The following GRID2 variants were observed in gnomAD, a reference collection of about 807,000 sequenced individuals.
GRID2 encodes glutamate ionotropic receptor delta type subunit 2, also known as glutamate receptor ionotropic, delta-2.
A neutral mutation model predicts 114.8 loss-of-function variants in GRID2; 33 were observed. The observed-to-expected ratio is 0.29, with a 90% CI of 0.22 to 0.38. The LOEUF (loss-of-function observed/expected upper bound fraction) is 0.38. Among genes scored for constraint, GRID2 ranks in the 10% least tolerant of loss-of-function variants. GRID2 has a pLI of 1.00. For missense variants in GRID2, 1,184 were observed against 1,257.7 expected, an observed-to-expected ratio of 0.94 and a Z score of 0.89; for synonymous variants, 505 against 449.9, an observed-to-expected ratio of 1.12 and a Z score of -1.55.
chr4:92,999,841 GT>G (rs1755429655), intron 2 of GRID2, among the ~76,000 whole-genome samples: 1 of 151,096 alleles, frequency 6.6e-6, no homozygotes. Flanking sequence ...GATTTTACTA[GT>G]TTATATTTTC....
intron 2 of GRID2, among the ~76,000 whole-genome samples, chr4:92,874,430 C>T (rs1745487728): frequency 6.6e-6 from 1 of 152,064 alleles, no homozygotes; most frequent in African/African-American, 2.4e-5. Flanking sequence ...ATAATATTAT[C>T]GTCTATGCTT....
intron 1 of GRID2, among the ~76,000 whole-genome samples, chr4:92,462,039 T>C (rs1169877561): frequency 6.6e-6 from 1 of 152,094 alleles, no homozygotes; most frequent in Non-Finnish European, 1.5e-5. Flanking sequence ...AAAATTGTTA[T>C]GTATTCAAAT....
intron 14 of GRID2, among the ~76,000 whole-genome samples, chr4:93,665,151 A>T (rs1723839087): frequency 6.6e-6 from 1 of 152,144 alleles, no homozygotes; most frequent in Non-Finnish European, 1.5e-5. Context: ...TATGGTCAGT[A>T]TTCTCTGCTC....
chr4:92,810,634 T>C (rs1740624456), intron 2 of GRID2, among the ~76,000 whole-genome samples: 1 of 152,140 alleles, frequency 6.6e-6, no homozygotes, highest in Non-Finnish European at 1.5e-5. Flanking sequence ...GACAATCTTA[T>C]GAATTCTTAC....
chr4:92,893,617 G>T (rs1249171478), intron 2 of GRID2, among the ~76,000 whole-genome samples: 2 of 151,952 alleles, frequency 1.3e-5, no homozygotes, highest in Non-Finnish European at 2.9e-5. Flanking sequence ...AATCTTTACA[G>T]TTTGTCAAAT....
At chr4:93,669,334 C>G (rs964106980) in intron 14 of GRID2, among the ~76,000 whole-genome samples, 4 of 152,010 alleles carry the variant, frequency 2.6e-5, no homozygotes, top group Admixed American at 2.6e-4. Context: ...CAAGAAATTT[C>G]TGGTGGCAAA....
chr4:93,128,159 C>T (rs748608498), intron 4 of GRID2, among the ~76,000 whole-genome samples: 4 of 148,462 alleles, frequency 2.7e-5, no homozygotes, highest in Non-Finnish European at 5.9e-5. Context: ...GTATGCCTAA[C>T]TCCCACTAAA....
At chr4:92,870,412 A>G (rs1158163408) in intron 2 of GRID2, among the ~76,000 whole-genome samples, 4 of 151,994 alleles carry the variant, frequency 2.6e-5, no homozygotes, top group African/African-American at 7.2e-5. Flanking sequence ...CTTGGCTTAC[A>G]GTATTTAGGT....
At chr4:92,516,513 A>G (rs1724507767) in intron 1 of GRID2, among the ~76,000 whole-genome samples, 1 of 151,908 alleles carries the variant, frequency 6.6e-6, no homozygotes, top group African/African-American at 2.4e-5. Context: ...CATTTTAATG[A>G]TATCAGATTG....
chr4:92,346,496 G>A (rs922925464), intron 1 of GRID2, among the ~76,000 whole-genome samples: 27 of 152,062 alleles, frequency 1.8e-4, no homozygotes, highest in Non-Finnish European at 3.4e-4. Context: ...CCCACAAGTA[G>A]CTGGAACTGC....
At chr4:92,832,551 G>A (rs942452914) in intron 2 of GRID2, among the ~76,000 whole-genome samples, 6 of 151,304 alleles carry the variant, frequency 4.0e-5, no homozygotes, top group African/African-American at 9.7e-5. Context: ...CCGCCACCAC[G>A]CCTGACTAAT....
intron 6 of GRID2, among the ~76,000 whole-genome samples, chr4:93,221,783 A>G (rs1465298289): frequency 6.6e-6 from 1 of 152,164 alleles, no homozygotes; most frequent in Non-Finnish European, 1.5e-5. Flanking sequence ...TGAAAAGCTC[A>G]GGGAATATTA....
chr4:92,758,388 C>A (rs545941218), intron 2 of GRID2, among the ~76,000 whole-genome samples: 2 of 152,028 alleles, frequency 1.3e-5, no homozygotes, highest in East Asian at 3.9e-4. Context: ...CAACAAGAAC[C>A]CTTTTTTTGT....
chr4:92,675,647 G>T (rs1041727037), intron 2 of GRID2, among the ~76,000 whole-genome samples: 3 of 151,252 alleles, frequency 2.0e-5, no homozygotes, highest in Admixed American at 2.0e-4. Flanking sequence ...GCCTCCCAGG[G>T]TCATGCAATT....
At chr4:93,648,251 G>A (rs1020777295) in intron 14 of GRID2, among the ~76,000 whole-genome samples, 5 of 152,142 alleles carry the variant, frequency 3.3e-5, no homozygotes, top group Admixed American at 6.6e-5. Context: ...ACTGTGGAAC[G>A]TATGAGACAG....
At chr4:93,567,381 C>A (rs968495760) in intron 13 of GRID2, among the ~76,000 whole-genome samples, 3 of 152,130 alleles carry the variant, frequency 2.0e-5, no homozygotes, top group Non-Finnish European at 4.4e-5. Context: ...TAGTAACACT[C>A]GTACAAATCA....
At chr4:92,512,734 C>T (rs1480479275) in intron 1 of GRID2, among the ~76,000 whole-genome samples, 2 of 151,782 alleles carry the variant, frequency 1.3e-5, no homozygotes, top group African/African-American at 2.4e-5. Context: ...GATATTTTAG[C>T]TTATATCTCA....
At chr4:93,588,563 G>C (rs890795790) in intron 13 of GRID2, among the ~76,000 whole-genome samples, 17 of 152,098 alleles carry the variant, frequency 1.1e-4, no homozygotes, top group African/African-American at 3.9e-4. Context: ...CAGTATTATT[G>C]TCTATGTTTT....
At chr4:93,043,936 T>TA (rs147156441) in intron 2 of GRID2, among the ~76,000 whole-genome samples, 10,639 of 150,940 alleles carry the variant, frequency 0.07, 483 homozygotes, top group African/African-American at 0.12. Context: ...TATATAAAAA[T>TA]AAAAAAAGAC....
Sources: gnomAD v4.1 joint callset for allele counts (sites outside exome capture counted in the v4.1 genomes callset) on GRCh38, gnomAD v4.1.1 for gene constraint, MANE v1.5 for transcripts, NCBI Gene and HGNC (gene_info 2026-07-23, HGNC 2026-07-21) for gene names.